GREB1: variants seen among roughly 807,000 people sequenced by gnomAD.
The protein encoded by GREB1 is protein GREB1.
In GREB1, 106 loss-of-function variants were observed where a neutral mutation model predicts 200.7. The ratio of observed to expected loss-of-function variants is 0.53; its 90% CI spans 0.45 to 0.62. GREB1 has a LOEUF of 0.62. GREB1 is among the 20% of genes least tolerant of loss of function. The pLI, the probability that GREB1 is intolerant of heterozygous loss-of-function variation, is 0.00. For synonymous variants in GREB1, 1,132 were observed against 1,092.4 expected, an observed-to-expected ratio of 1.04 and a Z score of -0.72; for missense variants, 2,243 against 2,556.8, an observed-to-expected ratio of 0.88 and a Z score of 2.65.
chr2:11,551,114 T>C (rs1026405021), intron 1 of GREB1, among the ~76,000 whole-genome samples: 2 of 152,230 alleles, frequency 1.3e-5, no homozygotes, highest in Non-Finnish European at 2.9e-5. Flanking sequence ...CACTTCAAAC[T>C]GACCTGGGTC....
At chr2:11,564,558 A>AT (rs1677424932) in intron 3 of GREB1, among the ~76,000 whole-genome samples, 2 of 152,172 alleles carry the variant, frequency 1.3e-5, no homozygotes, top group Non-Finnish European at 2.9e-5. Context: ...TGGTCATTAG[A>AT]TTTTCACATA....
intron 1 of GREB1, among the ~76,000 whole-genome samples, chr2:11,547,924 G>A (rs1368967440): frequency 6.6e-6 from 1 of 152,138 alleles, no homozygotes; most frequent in Non-Finnish European, 1.5e-5. Context: ...GCTCACTCCT[G>A]TAATCCAAGT....
chr2:11,515,157 C>G (rs1572574012), intron 1 of GREB1, among the ~76,000 whole-genome samples: 1 of 150,794 alleles, frequency 6.6e-6, no homozygotes, highest in East Asian at 1.9e-4. Flanking sequence ...ATCCGTCCAT[C>G]TATCCATCCA....
chr2:11,521,743 T>C (rs1673711762), intron 1 of GREB1, among the ~76,000 whole-genome samples: 1 of 152,248 alleles, frequency 6.6e-6, no homozygotes, highest in South Asian at 2.1e-4. Context: ...CTTGAAAATC[T>C]TGCAAAATGC....
chr2:11,579,750 C>T (rs529234800), intron 6 of GREB1, among the ~76,000 whole-genome samples: 38 of 152,328 alleles, frequency 2.5e-4, no homozygotes, highest in African/African-American at 8.9e-4. Context: ...TTCTGGCTGA[C>T]ATGAGCAACT....
At chr2:11,490,739 G>A (rs987940994) in intron 1 of GREB1, among the ~76,000 whole-genome samples, 3 of 143,766 alleles carry the variant, frequency 2.1e-5, no homozygotes, top group African/African-American at 7.6e-5. Context: ...AGTACAGACA[G>A]GGTTTTGCCA....
rs1680433698 is a variant in GREB1, at chr2:11,588,798, C to T, written c.1212C>T (p.Ser404=). 2.5e-6 allele frequency: 4 copies of T among 1,614,182 alleles called. No individual in the cohort carries two copies. Among genetic ancestry groups the T allele is most frequent in the African/African-American group, 2.7e-5 (2 of 75,068 alleles). Residue 404 remains serine (S), a synonymous_variant, in exon 10 of 33, where the codon AGC becomes AGT. Transcript: ENST00000381486. ...GGAACCTGAATGACGTCGTGGTCAG[C>T]CCCCTCTTGTACACGTGCTACCAGA... ...LCGNLNDVVV[S]PLLYTCYQNS...
intron 23 of GREB1, among the ~76,000 whole-genome samples, chr2:11,621,307 T>C (rs1486093113): frequency 6.6e-6 from 1 of 152,198 alleles, no homozygotes; most frequent in African/African-American, 2.4e-5. Context: ...CAGGGTGAGA[T>C]AGATGTTCCA....
intron 1 of GREB1, among the ~76,000 whole-genome samples, chr2:11,535,925 T>C (rs1011943556): frequency 1.3e-5 from 2 of 152,160 alleles, no homozygotes; most frequent in African/African-American, 4.8e-5. Flanking sequence ...CTTTTTTTTT[T>C]CCCTGTAAAA....
intron 9 of GREB1, 101 bp from the exon 10 acceptor site, chr2:11,588,645 C>T (rs749887615): frequency 9.3e-7 from 1 of 1,076,690 alleles, no homozygotes; most frequent in Non-Finnish European, 1.4e-6. Context: ...TGGCGCAGCT[C>T]ACCTATCTCC....
chr2:11,487,044 A>G (rs1672672096), intron 1 of GREB1, among the ~76,000 whole-genome samples: 1 of 152,208 alleles, frequency 6.6e-6, no homozygotes, highest in South Asian at 2.1e-4. Context: ...GTAATATATT[A>G]TGGACATTGC....
At chr2:11,494,618 C>CT (rs1319496383) in intron 1 of GREB1, among the ~76,000 whole-genome samples, 2 of 152,092 alleles carry the variant, frequency 1.3e-5, no homozygotes, top group Non-Finnish European at 2.9e-5. Context: ...AATCCTACAC[C>CT]TTTTTTAATG....
At chr2:11,523,281 T>C (rs115814278) in intron 1 of GREB1, among the ~76,000 whole-genome samples, 1,800 of 152,196 alleles carry the variant, frequency 0.012, 48 homozygotes, top group African/African-American at 0.04. Flanking sequence ...TATTGGGTAC[T>C]AGACTTTGTA....
At chr2:11,625,389 T>C (rs752537984) in intron 24 of GREB1, 77 bp downstream of exon 24, 8 of 1,427,722 alleles carry the variant, frequency 5.6e-6, no homozygotes, top group Non-Finnish European at 7.8e-6. Context: ...TGGATTTTGT[T>C]AGGCATGAAA....
chr2:11,528,165 C>A (rs1673950362), intron 1 of GREB1, among the ~76,000 whole-genome samples: 1 of 152,220 alleles, frequency 6.6e-6, no homozygotes, highest in Non-Finnish European at 1.5e-5. Flanking sequence ...AATTCATAGG[C>A]TTGTGACTGT....
At chr2:11,624,111 A>G (rs1162742059) in intron 23 of GREB1, among the ~76,000 whole-genome samples, 2 of 152,100 alleles carry the variant, frequency 1.3e-5, no homozygotes, top group East Asian at 1.9e-4. Context: ...GAAGAAAGAA[A>G]AATATCGTTT....
At chr2:11,626,127 G>A (rs1017394987) in intron 24 of GREB1, among the ~76,000 whole-genome samples, 1 of 151,996 alleles carries the variant, frequency 6.6e-6, no homozygotes, top group African/African-American at 2.4e-5. Flanking sequence ...GGTAGATTTG[G>A]GTGGGGACAC....
intron 1 of GREB1, among the ~76,000 whole-genome samples, chr2:11,524,717 G>A (rs1050847917): frequency 2.6e-5 from 4 of 152,142 alleles, no homozygotes; most frequent in African/African-American, 9.7e-5. Context: ...CTGGTTGCAT[G>A]GATGCTGGAG....
At chr2:11,537,905 G>A (rs1286107427) in intron 1 of GREB1, among the ~76,000 whole-genome samples, 2 of 151,936 alleles carry the variant, frequency 1.3e-5, no homozygotes, top group Non-Finnish European at 2.9e-5. Context: ...TGTATCCTAA[G>A]TGTGTCTGCA....
Sources: gnomAD v4.1 joint callset for allele counts (sites outside exome capture counted in the v4.1 genomes callset) on GRCh38, gnomAD v4.1.1 for gene constraint, MANE v1.5 for transcripts, NCBI Gene and HGNC (gene_info 2026-07-23, HGNC 2026-07-21) for gene names.